ZNF337: variants seen among roughly 807,000 people sequenced by gnomAD.
ZNF337 encodes zinc finger protein 337.
ZNF337 carries 8 observed loss-of-function variants against 12.1 expected under a neutral mutation model. The observed-to-expected ratio is 0.66, with a 90% confidence interval of 0.39 to 1.19. The LOEUF (loss-of-function observed/expected upper bound fraction) is 1.19. Among genes scored for constraint, ZNF337 ranks in the 50% most tolerant of loss-of-function variants. ZNF337 has a pLI of 0.01. For synonymous variants in ZNF337, 336 were observed against 320.0 expected, an observed-to-expected ratio of 1.05 and a Z score of -0.53; for missense variants, 882 against 896.6, an observed-to-expected ratio of 0.98 and a Z score of 0.21.
chr20:25,681,867 T>G (rs2065772359), intron 4 of ZNF337, among the ~76,000 whole-genome samples: 2 of 152,174 alleles, frequency 1.3e-5, no homozygotes, highest in African/African-American at 2.4e-5. Flanking sequence ...GCGTAAAGGA[T>G]AATGATGTCC....
intron 1 of ZNF337, chr20:25,686,806 CT>C (rs2065838372): frequency 4.3e-6 from 1 of 231,456 alleles, no homozygotes; most frequent in South Asian, 8.7e-5. Flanking sequence ...CAAGAGCTGT[CT>C]GCCTCTTCTA....
rs146771903 is a variant in ZNF337 at position 25,693,308 on chromosome 20, C to G, written c.-50+3451G>C. 1.5e-3 allele frequency among the ~76,000 whole-genome samples: 232 copies of G among 150,452 alleles called. 1 individual carries two copies. The highest frequency in any genetic ancestry group is 5.3e-3 in the African/African-American group (220 of 41,392). On this transcript the variant is annotated intron_variant, in intron 1 of 4. Transcript: ENST00000252979. The stretch of plus-strand genomic sequence containing the variant: ...GCCAGGCTGGTCTCGAACTCCTGGC[C>G]TCAGGTAATCTGCCCGCCTTGGCCT...
At chr20:25,691,745 A>T (rs1196880175) in intron 1 of ZNF337, among the ~76,000 whole-genome samples, 1 of 152,080 alleles carries the variant, frequency 6.6e-6, no homozygotes. Context: ...GGCTCAGTTG[A>T]TTTTTCTGAA....
chr20:25,679,557 G>A (rs760459345), intron 4 of ZNF337, among the ~76,000 whole-genome samples: 65 of 152,050 alleles, frequency 4.3e-4, no homozygotes, highest in Non-Finnish European at 7.9e-4. Flanking sequence ...ACAGGTATAC[G>A]AAAAAATGCT....
chr20:25,679,896 C>T (rs1305770246), intron 4 of ZNF337, among the ~76,000 whole-genome samples: 1 of 152,022 alleles, frequency 6.6e-6, no homozygotes, highest in African/African-American at 2.4e-5. Flanking sequence ...TGGAATTAAC[C>T]TAAATGTCCA....
In ZNF337 at chr20:25,675,263, G is replaced by T. The variant is rs764500458; in HGVS notation, c.2025C>A (p.His675Gln). Reference protein sequence around the residue: ...FSWKRSLTRHHWRIHSKEKPF... With the variant: ...FSWKRSLTRHQWRIHSKEKPF... ...GCTTCTCCTTTGAGTGTATCCGCCA[G>T]TGGTGTCTGGTGAGACTTCTCTTCC... is the stretch of plus-strand genomic sequence containing the variant. Residue 675 changes from histidine (H) to glutamine (Q), a missense_variant, in exon 5 of 5, where the codon CAC becomes CAA. Coordinates refer to ENST00000252979, the MANE Select transcript of ZNF337 (RefSeq NM_015655.4). The T allele has an allele frequency of 6.2e-7, 1 of 1,614,052 alleles. No homozygotes were observed. The highest frequency in any genetic ancestry group is 8.5e-7 in the Non-Finnish European group (1 of 1,180,046).
In ZNF337 at chr20:25,675,523, A is replaced by G. The variant is rs752631872; in HGVS notation, c.1765T>C (p.Phe589Leu). The part of the protein sequence containing the change: ...RGFILKSTLL[F>L]HQKTHSGEKP... ...TCCCCTGAGTGTGTCTTCTGGTGGA[A>G]GAGGAGAGTTGATTTTAGGATGAAG... The change falls in exon 5 of 5, where the codon TTC (phenylalanine) becomes CTC (leucine). Residue 589 changes from phenylalanine (F) to leucine (L), a missense_variant. Physicochemically the swap from Phe to Leu is conservative, Grantham distance 22 (BLOSUM62 0). Transcript: ENST00000252979. The G allele has an allele frequency of 3.5e-5, 57 of 1,610,070 alleles. No homozygotes were observed. The highest frequency in any genetic ancestry group is 4.8e-5 in the Non-Finnish European group (57 of 1,178,508).
chr20:25,695,776 C>A (rs917601011), intron 1 of ZNF337, among the ~76,000 whole-genome samples: 4 of 152,114 alleles, frequency 2.6e-5, no homozygotes, highest in African/African-American at 9.7e-5. Context: ...CTCTGGAACT[C>A]CTGGCCTCCC....
intron 1 of ZNF337, among the ~76,000 whole-genome samples, chr20:25,693,778 T>C (rs553743551): frequency 6.6e-6 from 1 of 152,088 alleles, no homozygotes; most frequent in Non-Finnish European, 1.5e-5. Context: ...AGGAAGGCAA[T>C]ACATAAGAAG....
chr20:25,684,002 A>T (rs1600442267), intron 4 of ZNF337, among the ~76,000 whole-genome samples: 1 of 152,182 alleles, frequency 6.6e-6, no homozygotes, highest in South Asian at 2.1e-4. Flanking sequence ...GCACATATAC[A>T]CCATGGAATA....
At chr20:25,683,916 C>T (rs2065796845) in intron 4 of ZNF337, among the ~76,000 whole-genome samples, 2 of 151,912 alleles carry the variant, frequency 1.3e-5, no homozygotes, top group East Asian at 1.9e-4. Flanking sequence ...ATGTTTATTG[C>T]AGCACTATAC....
intron 1 of ZNF337, among the ~76,000 whole-genome samples, chr20:25,691,156 G>A (rs1260102531): frequency 1.3e-5 from 2 of 152,058 alleles, no homozygotes; most frequent in Non-Finnish European, 2.9e-5. Context: ...CAAAAATTCT[G>A]GACCCGAAAA....
Position 25,686,439 on chromosome 20 carries a change from G to A in ZNF337, c.-22C>T, listed in dbSNP as rs753675137. 3.2e-5 allele frequency: 52 copies of A among 1,613,668 alleles called. No individual in the cohort carries two copies. The highest frequency in any genetic ancestry group is 1.3e-4 in the East Asian group (6 of 44,900). On this transcript the variant is annotated 5_prime_UTR_variant, in exon 2 of 5. Transcript: ENST00000252979. The stretch of plus-strand genomic sequence containing the variant: ...CCATGACTGTCTTCCTGCTCTCCAC[G>A]GAGAAGGGAAGCTTGCAGATGGCCA...
chr20:25,675,306 C>A lies in ZNF337; in HGVS notation c.1982G>T (p.Cys661Phe). 1 of 1,613,942 alleles carries A rather than the reference C, an allele frequency of 6.2e-7. No individual in the cohort carries two copies. Among genetic ancestry groups the A allele is most frequent in the South Asian group, 1.1e-5 (1 of 91,058 alleles). ...TCTCTTCCAGCTGAAGCCTTGCCCA[C>A]ACACATTACACACGAAGGGCTTCTC... ...SGEKPFVCNV[C>F]GQGFSWKRSL... Residue 661 changes from cysteine (C) to phenylalanine (F), a missense_variant, in exon 5 of 5, where the codon TGT becomes TTT. Physicochemically the swap from Cys to Phe is radical, Grantham distance 205. Transcript: ENST00000252979.
At chr20:25,688,382 T>A (rs2065853559) in intron 1 of ZNF337, among the ~76,000 whole-genome samples, 1 of 152,224 alleles carries the variant, frequency 6.6e-6, no homozygotes, top group Non-Finnish European at 1.5e-5. Context: ...ATAAAAAATT[T>A]TTTTTTCTGT....
intron 1 of ZNF337, among the ~76,000 whole-genome samples, chr20:25,692,343 GCAAGA>G (rs2065888523): frequency 6.6e-6 from 1 of 152,232 alleles, no homozygotes; most frequent in Middle Eastern, 3.4e-3. Flanking sequence ...ACGTTAAAAG[GCAAGA>G]CAGTAACAAC....
In ZNF337 at chr20:25,675,829, GCTTCTC is replaced by G. The variant is rs1446180810; in HGVS notation, c.1453_1458del (p.Glu485_Lys486del). Reference sequence around the variant, plus strand: ...CGCCCACACTCCCGACATCCATAAGGCTTCTCCTCTGAGTGTGTCCTCTGGTGTAAA... The same window carrying G: ...CGCCCACACTCCCGACATCCATAAGGCTCTGAGTGTGTCCTCTGGTGTAAA... On this transcript the variant is annotated inframe_deletion, in exon 5 of 5. Transcript: ENST00000252979. 3.7e-6 allele frequency: 6 copies of G among 1,614,166 alleles called. No homozygotes were observed. Among genetic ancestry groups the G allele is most frequent in the Middle Eastern group, 1.6e-4 (1 of 6,062 alleles).
intron 1 of ZNF337, among the ~76,000 whole-genome samples, chr20:25,696,470 G>C (rs2065930690): frequency 6.6e-6 from 1 of 152,134 alleles, no homozygotes. Flanking sequence ...TGGGTTGCTC[G>C]GCGCCCCTGT....
Position 25,674,844 on chromosome 20 carries a change from A to G in ZNF337, c.*188T>C, listed in dbSNP as rs1398900550. The G allele has an allele frequency of 4.9e-6, 3 of 610,534 alleles. No homozygotes were observed. 37.8% of individuals were successfully genotyped at this position (610,534 alleles called of 1,614,324 possible). Reference sequence around the variant, plus strand: ...CCCTCAACTGGCATCTCTGTTCCCTAAACATTGACCTCTTTTCTCTGAATC... The same window carrying G: ...CCCTCAACTGGCATCTCTGTTCCCTGAACATTGACCTCTTTTCTCTGAATC... On this transcript the variant is annotated 3_prime_UTR_variant, in exon 5 of 5. Coordinates refer to ENST00000252979, the MANE Select transcript of ZNF337 (RefSeq NM_015655.4).
Sources: gnomAD v4.1 joint callset for allele counts (sites outside exome capture counted in the v4.1 genomes callset) on GRCh38, gnomAD v4.1.1 for gene constraint, MANE v1.5 for transcripts, NCBI Gene and HGNC (gene_info 2026-07-23, HGNC 2026-07-21) for gene names.